Variants in REDIC1 observed in about 807,000 individuals in gnomAD.
REDIC1 encodes regulator of DNA class I crossover intermediates 1.
At chr12:39,772,744 C>T in the REDIC1 span, among the ~76,000 whole-genome samples, 40 of 152,100 alleles carry the variant, frequency 2.6e-4, no homozygotes, top group Admixed American at 7.9e-4. Flanking sequence ...ATCACAGTTC[C>T]TAGGGTGATC....
the REDIC1 span, among the ~76,000 whole-genome samples, chr12:39,847,762 T>C: frequency 2.1e-3 from 313 of 152,276 alleles, no homozygotes; most frequent in African/African-American, 7.2e-3. Flanking sequence ...TTCTGTAATA[T>C]ACAGCCTACC....
the REDIC1 span, among the ~76,000 whole-genome samples, chr12:39,828,431 A>G: frequency 1.3e-5 from 2 of 152,042 alleles, no homozygotes; most frequent in Non-Finnish European, 2.9e-5. Context: ...TGTAAGAGTG[A>G]GTTGTTGAAT....
chr12:39,748,500 A>G, the REDIC1 span, among the ~76,000 whole-genome samples: 1 of 152,218 alleles, frequency 6.6e-6, no homozygotes, highest in African/African-American at 2.4e-5. Context: ...TGTCAACATT[A>G]GACAGATCAA....
At chr12:39,674,499 G>A in the REDIC1 span, among the ~76,000 whole-genome samples, 1 of 152,070 alleles carries the variant, frequency 6.6e-6, no homozygotes, top group Non-Finnish European at 1.5e-5. Flanking sequence ...AAAACCAAAA[G>A]AATTCAAAGA....
the REDIC1 span, among the ~76,000 whole-genome samples, chr12:39,851,715 A>G: frequency 6.6e-6 from 1 of 152,238 alleles, no homozygotes; most frequent in Non-Finnish European, 1.5e-5. Flanking sequence ...ATGGATTTGT[A>G]TTATCAGCTG....
the REDIC1 span, among the ~76,000 whole-genome samples, chr12:39,783,439 T>C: frequency 4.6e-5 from 7 of 152,348 alleles, no homozygotes; most frequent in Admixed American, 6.5e-5. Context: ...CCCTGAGGAA[T>C]CACCACACTG....
At chr12:39,683,156 G>A in the REDIC1 span, 1 of 1,557,120 alleles carries the variant, frequency 6.4e-7, no homozygotes, top group Non-Finnish European at 8.6e-7. Flanking sequence ...TATTGTACAT[G>A]GAAAATGTAA....
At chr12:39,689,932 G>GA in the REDIC1 span, among the ~76,000 whole-genome samples, 1 of 152,172 alleles carries the variant, frequency 6.6e-6, no homozygotes, top group African/African-American at 2.4e-5. Context: ...AGTCAAAAAA[G>GA]AAAAAAGCCT....
At chr12:39,717,120 CATACATATAT>C in the REDIC1 span, among the ~76,000 whole-genome samples, 1 of 135,786 alleles carries the variant, frequency 7.4e-6, no homozygotes, top group Non-Finnish European at 1.5e-5. Context: ...ACCTTATATA[CATACATATAT>C]ATACATATAT....
the REDIC1 span, among the ~76,000 whole-genome samples, chr12:39,869,126 A>G: frequency 6.6e-6 from 1 of 152,354 alleles, no homozygotes; most frequent in East Asian, 1.9e-4. Context: ...ATATATCTAC[A>G]TATAAATGAA....
the REDIC1 span, among the ~76,000 whole-genome samples, chr12:39,661,283 A>G: frequency 9.2e-5 from 14 of 152,070 alleles, no homozygotes; most frequent in South Asian, 4.1e-4. Flanking sequence ...ACAGTGTATG[A>G]GAGTTCTCTT....
the REDIC1 span, among the ~76,000 whole-genome samples, chr12:39,749,714 C>A: frequency 3.9e-5 from 6 of 152,294 alleles, no homozygotes; most frequent in Non-Finnish European, 7.4e-5. Context: ...AAAAGCTTAT[C>A]CACCATGATC....
chr12:39,632,504 A>G, the REDIC1 span, among the ~76,000 whole-genome samples: 1 of 152,140 alleles, frequency 6.6e-6, no homozygotes, highest in Non-Finnish European at 1.5e-5. Flanking sequence ...AAATGTGTAT[A>G]TATTTATATA....
the REDIC1 span, among the ~76,000 whole-genome samples, chr12:39,712,940 C>A: frequency 7.1e-6 from 1 of 141,510 alleles, no homozygotes; most frequent in Non-Finnish European, 1.6e-5. Context: ...CGTGTATATA[C>A]GTGTATATAC....
the REDIC1 span, among the ~76,000 whole-genome samples, chr12:39,904,182 T>A: frequency 6.6e-6 from 1 of 152,130 alleles, no homozygotes; most frequent in Non-Finnish European, 1.5e-5. Context: ...AGCAATAATT[T>A]GTGGCAAGAA....
chr12:39,870,687 T>A, the REDIC1 span, among the ~76,000 whole-genome samples: 1 of 152,208 alleles, frequency 6.6e-6, no homozygotes, highest in African/African-American at 2.4e-5. Flanking sequence ...CAATCATGTT[T>A]GCCCCTTAAT....
At chr12:39,742,645 T>A in the REDIC1 span, among the ~76,000 whole-genome samples, 122 of 152,226 alleles carry the variant, frequency 8.0e-4, no homozygotes, top group Non-Finnish European at 8.4e-4. Context: ...GCTTCTTAAA[T>A]CACGTAAAAA....
the REDIC1 span, among the ~76,000 whole-genome samples, chr12:39,732,015 G>A: frequency 1.1e-4 from 17 of 152,250 alleles, no homozygotes; most frequent in Non-Finnish European, 2.1e-4. Context: ...CTGTTCCAAT[G>A]ATGTCCTCCT....
At chr12:39,674,571 A>G in the REDIC1 span, among the ~76,000 whole-genome samples, 1 of 151,542 alleles carries the variant, frequency 6.6e-6, no homozygotes, top group African/African-American at 2.4e-5. Context: ...TTCAGTTCCC[A>G]AAGTGTGAGG....
Sources: allele counts gnomAD v4.1 joint callset (sites outside exome capture counted in the v4.1 genomes callset), GRCh38; gene constraint gnomAD v4.1.1; transcripts MANE v1.5; gene names NCBI Gene and HGNC (gene_info 2026-07-23, HGNC 2026-07-21).